Variants in TENM2 observed in about 807,000 individuals in gnomAD.
TENM2 encodes the protein teneurin-2.
Under a neutral mutation model 245.2 loss-of-function variants are expected in TENM2, and 52 were observed. The observed-to-expected ratio is 0.21, with a 90% CI of 0.17 to 0.27. The LOEUF is 0.27. TENM2 is among the 10% of genes least tolerant of loss of function. TENM2 has a pLI of 1.00. For missense variants in TENM2, 3,046 were observed against 3,666.8 expected (o/e 0.83, Z 4.37); for synonymous variants, 1,363 against 1,438.9 (o/e 0.95, Z 1.19).
chr5:167,173,755 C>T, the TENM2 span, among the ~76,000 whole-genome samples: 1 of 150,418 alleles, frequency 6.6e-6, no homozygotes, highest in African/African-American at 2.5e-5. Context: ...GTAGGGTGTA[C>T]TTAGGTTGTC....
the TENM2 span, among the ~76,000 whole-genome samples, chr5:167,034,629 C>CAAAAAA: frequency 1.2e-4 from 9 of 72,236 alleles, no homozygotes; most frequent in South Asian, 1.3e-3. Context: ...GACTCCGTCT[C>CAAAAAA]AAAAAAAAAA....
chr5:167,465,838 AAG>A (rs1230963274), intron 2 of TENM2, among the ~76,000 whole-genome samples: 2 of 152,098 alleles, frequency 1.3e-5, no homozygotes, highest in East Asian at 3.9e-4. Context: ...CAAAAAAAGA[AAG>A]AAAGAAAGAA....
chr5:167,068,482 G>A, the TENM2 span, among the ~76,000 whole-genome samples: 1 of 152,216 alleles, frequency 6.6e-6, no homozygotes, highest in African/African-American at 2.4e-5. Context: ...TATTTAACCT[G>A]AGATACCAAA....
chr5:167,291,245 CT>C (rs1388755283), intron 1 of TENM2, among the ~76,000 whole-genome samples: 1 of 152,192 alleles, frequency 6.6e-6, no homozygotes, highest in Admixed American at 6.5e-5. Flanking sequence ...TTAGAACACT[CT>C]TATTCATATG....
chr5:167,061,894 A>G, the TENM2 span, among the ~76,000 whole-genome samples: 1 of 151,310 alleles, frequency 6.6e-6, no homozygotes, highest in Non-Finnish European at 1.5e-5. Context: ...ACAGCTGTCA[A>G]GATAATGAAC....
At chr5:167,354,334 C>G (rs1759170901) in intron 1 of TENM2, among the ~76,000 whole-genome samples, 1 of 152,194 alleles carries the variant, frequency 6.6e-6, no homozygotes, top group South Asian at 2.1e-4. Context: ...AAGGCATAAG[C>G]CTAATTCACT....
At chr5:167,474,336 G>C (rs1037742740) in intron 2 of TENM2, among the ~76,000 whole-genome samples, 1 of 152,010 alleles carries the variant, frequency 6.6e-6, no homozygotes, top group Non-Finnish European at 1.5e-5. Flanking sequence ...GGTGTTCAGA[G>C]CTTTCATCTT....
In TENM2 at chr5:168,182,672, C is replaced by T. The variant is rs76771806; in HGVS notation, c.2570-7665C>T. ...GACCAAGCATTGCATCTCAGCGGGC[C>T]CTGAGCTTTGGGATGACTCCCTTGA... On this transcript the variant is annotated intron_variant, in intron 13 of 28. Coordinates refer to ENST00000518659, the Ensembl canonical transcript of TENM2. 6.1e-3 allele frequency among the ~76,000 whole-genome samples: 932 copies of T among 152,192 alleles called. 14 individuals carry two copies. Among genetic ancestry groups the T allele is most frequent in the African/African-American group, 0.021 (886 of 41,534 alleles).
intron 2 of TENM2, among the ~76,000 whole-genome samples, chr5:167,858,593 CG>C (rs1400903748): frequency 6.6e-6 from 1 of 151,920 alleles, no homozygotes; most frequent in Non-Finnish European, 1.5e-5. Flanking sequence ...GGAGCCCGTC[CG>C]GCCATGGTGG....
intron 2 of TENM2, among the ~76,000 whole-genome samples, chr5:167,808,900 T>C (rs920978438): frequency 1.3e-5 from 2 of 152,206 alleles, no homozygotes; most frequent in Non-Finnish European, 2.9e-5. Context: ...ATTTCGTCAA[T>C]ACTAAAATGC....
intron 7 of TENM2, among the ~76,000 whole-genome samples, chr5:168,074,086 G>T (rs945632973): frequency 3.9e-5 from 6 of 152,180 alleles, no homozygotes; most frequent in African/African-American, 1.4e-4. Context: ...ATCCCATTCT[G>T]AAACAGCTCT....
rs1561881774 is a variant in TENM2, at chr5:167,872,552, A to AAG, written c.503-3432_503-3431dup. Among the ~76,000 whole-genome samples the AAG allele has an allele frequency of 1.3e-3, 62 of 48,346 alleles. 1 individual carries two copies. Among genetic ancestry groups the AAG allele is most frequent in the Middle Eastern group, 0.015 (1 of 68 alleles). 31.7% of individuals were successfully genotyped at this position (48,346 alleles called of 152,430 possible). ...AGAAAGAAAGAAAGAAAGAAAGAGAAAGAAAGAAAGAAAGAAAGAAAGAAA... is the reference window on the plus strand; with the variant it reads ...AGAAAGAAAGAAAGAAAGAAAGAGAAAGAGAAAGAAAGAAAGAAAGAAAGAAA... On this transcript the variant is annotated intron_variant, in intron 2 of 28. Transcript: ENST00000518659.
intron 2 of TENM2, among the ~76,000 whole-genome samples, chr5:167,515,146 A>C (rs1371181021): frequency 1.3e-5 from 2 of 152,212 alleles, no homozygotes; most frequent in Non-Finnish European, 2.9e-5. Context: ...TATGATACAC[A>C]GTTCCTTTTT....
chr5:167,261,697 C>T, the TENM2 span, among the ~76,000 whole-genome samples: 98,846 of 152,062 alleles, frequency 0.65, 33,913 homozygotes, highest in Middle Eastern at 0.85. Context: ...TTATATCCTT[C>T]AAAAGACCTC....
At chr5:167,227,772 C>A in the TENM2 span, among the ~76,000 whole-genome samples, 1 of 152,120 alleles carries the variant, frequency 6.6e-6, no homozygotes, top group East Asian at 1.9e-4. Context: ...GATCTCTGAG[C>A]CTGCTGTATC....
intron 23 of TENM2, among the ~76,000 whole-genome samples, chr5:168,225,016 A>G (rs142869372): frequency 1.3e-5 from 2 of 152,340 alleles, no homozygotes; most frequent in East Asian, 3.9e-4. Flanking sequence ...GACGACACAT[A>G]TACATAAAGA....
chr5:167,221,436 C>A, the TENM2 span, among the ~76,000 whole-genome samples: 2 of 152,158 alleles, frequency 1.3e-5, no homozygotes, highest in Non-Finnish European at 2.9e-5. Context: ...TACTCATGTG[C>A]AAAAGCAGGT....
intron 2 of TENM2, among the ~76,000 whole-genome samples, chr5:167,470,898 G>A (rs557500593): frequency 1.2e-4 from 18 of 152,264 alleles, no homozygotes; most frequent in African/African-American, 4.3e-4. Flanking sequence ...GGGTTTGGCA[G>A]CTTAGTATGG....
At chr5:167,383,445 T>A (rs1454957397) in intron 2 of TENM2, among the ~76,000 whole-genome samples, 1 of 152,048 alleles carries the variant, frequency 6.6e-6, no homozygotes, top group Admixed American at 6.6e-5. Flanking sequence ...TTTTCTCAAG[T>A]CCCACAGAAG....
Sources: gnomAD v4.1 joint callset for allele counts (sites outside exome capture counted in the v4.1 genomes callset) on GRCh38, gnomAD v4.1.1 for gene constraint, MANE v1.5 for transcripts, NCBI Gene and HGNC (gene_info 2026-07-23, HGNC 2026-07-21) for gene names.